Variants in CHST11 observed in about 807,000 individuals in gnomAD.
CHST11 encodes C4S-1.
CHST11 carries 9 observed loss-of-function variants against 30.4 expected under a neutral mutation model. The ratio of observed to expected loss-of-function variants is 0.30; its 90% confidence interval spans 0.18 to 0.52. The LOEUF is 0.52. CHST11 is among the 20% of genes least tolerant of loss of function. CHST11 has a pLI of 0.97. For missense variants in CHST11, 348 were observed against 460.6 expected (o/e 0.76, Z 2.24); for synonymous variants, 152 against 187.8 (o/e 0.81, Z 1.56).
At chr12:104,733,925 C>T (rs535471457) in intron 2 of CHST11, among the ~76,000 whole-genome samples, 1 of 152,260 alleles carries the variant, frequency 6.6e-6, no homozygotes, top group Non-Finnish European at 1.5e-5. Context: ...GCCATGATGG[C>T]TGCCATGCCC....
At chr12:104,508,870 T>C (rs374049530) in intron 1 of CHST11, among the ~76,000 whole-genome samples, 1 of 152,232 alleles carries the variant, frequency 6.6e-6, no homozygotes, top group African/African-American at 2.4e-5. Context: ...TATGTGTTGC[T>C]GCTACTGTTA....
chr12:104,707,183 A>G (rs1469073247), intron 2 of CHST11, among the ~76,000 whole-genome samples: 2 of 152,248 alleles, frequency 1.3e-5, no homozygotes, highest in Non-Finnish European at 2.9e-5. Flanking sequence ...GAAAGTGCCA[A>G]GAAGGCAGGA....
chr12:104,717,647 T>G (rs2040141622), intron 2 of CHST11, among the ~76,000 whole-genome samples: 1 of 152,304 alleles, frequency 6.6e-6, no homozygotes, highest in African/African-American at 2.4e-5. Flanking sequence ...GGTAGGCGCC[T>G]GTAGTCCCAG....
At chr12:104,515,223 C>G (rs1206367463) in intron 1 of CHST11, among the ~76,000 whole-genome samples, 3 of 152,216 alleles carry the variant, frequency 2.0e-5, no homozygotes, top group South Asian at 2.1e-4. Context: ...TGGAACTCAG[C>G]CATGCTCCCT....
intron 1 of CHST11, among the ~76,000 whole-genome samples, chr12:104,561,831 G>A (rs548563378): frequency 3.4e-5 from 5 of 148,952 alleles, no homozygotes; most frequent in South Asian, 2.1e-4. Flanking sequence ...TCACTCAGTC[G>A]CCAGGCTGGA....
intron 2 of CHST11, among the ~76,000 whole-genome samples, chr12:104,622,448 C>T (rs12828809): frequency 0.058 from 8,833 of 152,114 alleles, 699 homozygotes; most frequent in African/African-American, 0.18. Context: ...TCAAAGTACC[C>T]GCATAGAGAC....
chr12:104,566,504 C>G (rs779742361), intron 1 of CHST11, among the ~76,000 whole-genome samples: 1 of 152,172 alleles, frequency 6.6e-6, no homozygotes, highest in Non-Finnish European at 1.5e-5. Context: ...TCCTCCATCC[C>G]CACAGGTCCT....
intron 2 of CHST11, among the ~76,000 whole-genome samples, chr12:104,649,144 AT>A (rs1469229130): frequency 6.6e-6 from 1 of 151,440 alleles, no homozygotes; most frequent in Non-Finnish European, 1.5e-5. Context: ...TGGGGAATGG[AT>A]GGGGCTAGGG....
intron 1 of CHST11, among the ~76,000 whole-genome samples, chr12:104,590,293 C>CCTA (rs2038845684): frequency 6.6e-6 from 1 of 152,104 alleles, no homozygotes; most frequent in Admixed American, 6.5e-5. Flanking sequence ...TTCCCAGGCC[C>CCTA]CTTTGTAGGA....
At position 104,693,188 on chromosome 12, in the gene CHST11, C is replaced by T. The variant is rs551274117; in HGVS notation, c.205-63761C>T. Among the ~76,000 whole-genome samples, 22 of 152,326 alleles carry T rather than the reference C, an allele frequency of 1.4e-4. No homozygotes were observed. The South Asian group carries it at 4.6e-3, about 32-fold the overall frequency. On this transcript the variant is annotated intron_variant, in intron 2 of 2. Transcript: ENST00000303694. ...CCGCCCCCCAAAGAACTCATTGTAT[C>T]TTAATTACCTCTTTCCAAATCTTAT...
intron 1 of CHST11, among the ~76,000 whole-genome samples, chr12:104,534,806 A>C (rs918989620): frequency 6.6e-6 from 1 of 152,182 alleles, no homozygotes; most frequent in Non-Finnish European, 1.5e-5. Context: ...TTTCATTTGC[A>C]TACTGATTTA....
intron 2 of CHST11, among the ~76,000 whole-genome samples, chr12:104,613,369 C>A (rs1328161558): frequency 6.6e-6 from 1 of 152,160 alleles, no homozygotes; most frequent in African/African-American, 2.4e-5. Context: ...TTGGTTACAA[C>A]ATGGGTGAAC....
intron 2 of CHST11, among the ~76,000 whole-genome samples, chr12:104,662,697 A>G (rs1040150101): frequency 6.6e-6 from 1 of 152,232 alleles, no homozygotes; most frequent in East Asian, 1.9e-4. Context: ...GAGAAGAAAG[A>G]AAAAGCTCAT....
At chr12:104,698,483 A>G (rs931125201) in intron 2 of CHST11, among the ~76,000 whole-genome samples, 1 of 152,196 alleles carries the variant, frequency 6.6e-6, no homozygotes, top group Non-Finnish European at 1.5e-5. Context: ...TTATCTACCT[A>G]TCATCACCTG....
intron 2 of CHST11, among the ~76,000 whole-genome samples, chr12:104,669,627 G>A (rs888877803): frequency 3.9e-5 from 6 of 152,180 alleles, no homozygotes; most frequent in African/African-American, 9.7e-5. Flanking sequence ...TAACTCATGC[G>A]CAGTAAACGA....
intron 1 of CHST11, among the ~76,000 whole-genome samples, chr12:104,486,579 G>C (rs897554448): frequency 3.3e-5 from 5 of 152,188 alleles, no homozygotes; most frequent in Admixed American, 6.5e-5. Flanking sequence ...GGTACGTCTG[G>C]ATGGTGAGAT....
chr12:104,554,624 T>C (rs550372713), intron 1 of CHST11, among the ~76,000 whole-genome samples: 1 of 152,294 alleles, frequency 6.6e-6, no homozygotes, highest in East Asian at 1.9e-4. Context: ...CAGGGACTGC[T>C]GGGGAGGATG....
At chr12:104,707,093 T>A (rs2040042958) in intron 2 of CHST11, among the ~76,000 whole-genome samples, 1 of 152,228 alleles carries the variant, frequency 6.6e-6, no homozygotes, top group Non-Finnish European at 1.5e-5. Flanking sequence ...ACCAGCCCAC[T>A]GCAGCACCTT....
chr12:104,725,381 C>A (rs950326762), intron 2 of CHST11, among the ~76,000 whole-genome samples: 1 of 152,100 alleles, frequency 6.6e-6, no homozygotes, highest in Non-Finnish European at 1.5e-5. Context: ...CCAGCCTGGT[C>A]GTATGGGTTC....
Sources: gnomAD v4.1 joint callset for allele counts (sites outside exome capture counted in the v4.1 genomes callset) on GRCh38, gnomAD v4.1.1 for gene constraint, MANE v1.5 for transcripts, NCBI Gene and HGNC (gene_info 2026-07-23, HGNC 2026-07-21) for gene names.